The following MACROD2 variants were observed in gnomAD, a reference collection of about 807,000 sequenced individuals.
The protein encoded by MACROD2 is ADP-ribose glycohydrolase MACROD2.
MACROD2 carries 36 observed loss-of-function variants against 70.4 expected under a neutral mutation model. The observed-to-expected ratio is 0.51, with a 90% confidence interval of 0.39 to 0.68. The LOEUF (loss-of-function observed/expected upper bound fraction) is 0.68, where lower values mean the gene tolerates loss of function less well. MACROD2 is among the 30% of genes least tolerant of loss of function. The pLI is 0.00. For missense variants in MACROD2, 496 were observed against 538.4 expected (o/e 0.92, Z 0.78); for synonymous variants, 172 against 178.8 (o/e 0.96, Z 0.30).
At chr20:14,313,343 T>C (rs888070442) in intron 3 of MACROD2, among the ~76,000 whole-genome samples, 3 of 152,192 alleles carry the variant, frequency 2.0e-5, no homozygotes, top group African/African-American at 7.2e-5. Flanking sequence ...CTGTCCCAAG[T>C]AAGCTATTCT....
chr20:15,430,078 A>G (rs1340651549), intron 6 of MACROD2, among the ~76,000 whole-genome samples: 1 of 152,028 alleles, frequency 6.6e-6, no homozygotes, highest in Admixed American at 6.6e-5. Context: ...AGTTCCATCT[A>G]TATTGCTGCA....
rs186473404 is a variant in MACROD2, at chr20:14,778,271, C to T, written c.418+93312C>T. On this transcript the variant is annotated intron_variant, in intron 5 of 17. Transcript: ENST00000684519. ...AACATTATCTGATGGACGACACAAACGCTCTTTACATCTCTGTCATTGCGC... is the reference window on the plus strand; with the variant it reads ...AACATTATCTGATGGACGACACAAATGCTCTTTACATCTCTGTCATTGCGC... Among the ~76,000 whole-genome samples, 222 of 152,172 alleles carry T rather than the reference C, an allele frequency of 1.5e-3. 1 individual carries two copies. The highest frequency in any genetic ancestry group is 2.3e-3 in the Non-Finnish European group (158 of 68,014).
chr20:15,372,802 A>C, intron 6 of MACROD2, among the ~76,000 whole-genome samples: 1 of 152,190 alleles, frequency 6.6e-6, no homozygotes, highest in Non-Finnish European at 1.5e-5. Flanking sequence ...CTGTAATCCC[A>C]GTCCTTTGGG....
chr20:15,089,989 T>C (rs2075780916), intron 5 of MACROD2, among the ~76,000 whole-genome samples: 2 of 152,136 alleles, frequency 1.3e-5, no homozygotes, highest in Admixed American at 6.6e-5. Context: ...CCATGTGTGA[T>C]AGGGCTACGT....
intron 8 of MACROD2, among the ~76,000 whole-genome samples, chr20:15,584,589 G>T (rs1332107756): frequency 1.3e-5 from 2 of 152,212 alleles, no homozygotes; most frequent in African/African-American, 4.8e-5. Flanking sequence ...TGGTGGAAGA[G>T]TTCTATTGTT....
chr20:15,894,151 A>AT, intron 10 of MACROD2: 1 of 360,630 alleles, frequency 2.8e-6, no homozygotes, highest in Non-Finnish European at 5.4e-6. Context: ...TCACTTGAAA[A>AT]GAACTCTTGA....
At chr20:15,924,488 A>AT (rs2065459050) in intron 10 of MACROD2, among the ~76,000 whole-genome samples, 1 of 152,204 alleles carries the variant, frequency 6.6e-6, no homozygotes, top group African/African-American at 2.4e-5. Context: ...TCATATCTAC[A>AT]TAGAGGAAAC....
At chr20:14,765,321 G>T (rs1167293402) in intron 5 of MACROD2, among the ~76,000 whole-genome samples, 2 of 152,030 alleles carry the variant, frequency 1.3e-5, no homozygotes, top group East Asian at 3.9e-4. Flanking sequence ...TGAGGAGAGG[G>T]CTGAAAGCTC....
At chr20:15,617,089 C>T (rs1360167998) in intron 8 of MACROD2, among the ~76,000 whole-genome samples, 2 of 152,102 alleles carry the variant, frequency 1.3e-5, no homozygotes, top group Non-Finnish European at 2.9e-5. Context: ...TCCTGTTTTG[C>T]GGAATAATCC....
chr20:15,748,703 G>C (rs1447754327), intron 8 of MACROD2, among the ~76,000 whole-genome samples: 1 of 152,034 alleles, frequency 6.6e-6, no homozygotes, highest in Non-Finnish European at 1.5e-5. Flanking sequence ...CTTGTGTCTA[G>C]TTACAGGCTT....
intron 2 of MACROD2, among the ~76,000 whole-genome samples, chr20:14,056,984 ATATAT>A (rs2053637514): frequency 1.3e-5 from 2 of 152,092 alleles, no homozygotes; most frequent in South Asian, 4.1e-4. Flanking sequence ...TATCTTCATA[ATATAT>A]TTTATTCTTC....
At chr20:14,790,460 T>C (rs1024692690) in intron 5 of MACROD2, among the ~76,000 whole-genome samples, 1 of 148,026 alleles carries the variant, frequency 6.8e-6, no homozygotes, top group East Asian at 2.1e-4. Context: ...GCTGGCCTGA[T>C]GAGCCACAAT....
intron 4 of MACROD2, among the ~76,000 whole-genome samples, chr20:14,648,774 C>T (rs1985530760): frequency 6.6e-6 from 1 of 152,070 alleles, no homozygotes; most frequent in Middle Eastern, 3.2e-3. Context: ...AAAGATCTAA[C>T]ATCCTTTTTA....
chr20:15,461,006 A>ATATATATTTTTTTTTT, intron 7 of MACROD2, among the ~76,000 whole-genome samples: 74 of 66,996 alleles, frequency 1.1e-3, no homozygotes, highest in East Asian at 6.7e-3. Context: ...ATATATATAT[A>ATATATATTTTTTTTTT]TTTTTTTTTA....
intron 3 of MACROD2, among the ~76,000 whole-genome samples, chr20:14,286,885 A>G (rs192670865): frequency 6.6e-6 from 1 of 152,342 alleles, no homozygotes; most frequent in Non-Finnish European, 1.5e-5. Context: ...TGATATTAAA[A>G]TGTATAGATT....
At chr20:16,036,375 C>T (rs1291386300) in intron 15 of MACROD2, among the ~76,000 whole-genome samples, 2 of 151,924 alleles carry the variant, frequency 1.3e-5, no homozygotes, top group African/African-American at 4.8e-5. Context: ...ATGATGACAT[C>T]TGCCTCATTT....
chr20:15,135,130 G>A (rs1402322715), intron 5 of MACROD2, among the ~76,000 whole-genome samples: 1 of 151,746 alleles, frequency 6.6e-6, no homozygotes, highest in East Asian at 1.9e-4. Context: ...AATTCTACCA[G>A]AGGTACAAGG....
intron 8 of MACROD2, among the ~76,000 whole-genome samples, chr20:15,511,053 C>G (rs921724908): frequency 1.3e-5 from 2 of 152,126 alleles, no homozygotes; most frequent in Non-Finnish European, 2.9e-5. Flanking sequence ...GGCAAGGAAG[C>G]GAAGCCCCAC....
At chr20:15,916,590 C>T (rs1274459222) in intron 10 of MACROD2, among the ~76,000 whole-genome samples, 1 of 152,236 alleles carries the variant, frequency 6.6e-6, no homozygotes, top group Non-Finnish European at 1.5e-5. Flanking sequence ...TGCATCCCGA[C>T]TATGTCTCTG....
Sources: allele counts gnomAD v4.1 joint callset (sites outside exome capture counted in the v4.1 genomes callset), GRCh38; gene constraint gnomAD v4.1.1; transcripts MANE v1.5; gene names NCBI Gene and HGNC (gene_info 2026-07-23, HGNC 2026-07-21).